TLN2: variants seen among roughly 807,000 people sequenced by gnomAD.
TLN2 encodes the protein talin-2.
In TLN2, 118 loss-of-function variants were observed where a neutral mutation model predicts 294.7. The ratio of observed to expected loss-of-function variants is 0.40; its 90% CI spans 0.34 to 0.47. The LOEUF is 0.47. Ranked by LOEUF, TLN2 falls within the 20% of genes least tolerant of loss-of-function variation. The probability of loss-of-function intolerance (pLI) is 0.84; values close to 1 mark genes in which losing one functional copy is unlikely to be tolerated. For synonymous variants in TLN2, 1,431 were observed against 1,304.5 expected, an observed-to-expected ratio of 1.10 and a Z score of -2.09; for missense variants, 3,083 against 3,282.2, an observed-to-expected ratio of 0.94 and a Z score of 1.48.
chr15:62,646,934 C>T (rs2051936908), intron 3 of TLN2, among the ~76,000 whole-genome samples: 1 of 152,100 alleles, frequency 6.6e-6, no homozygotes, highest in Non-Finnish European at 1.5e-5. Flanking sequence ...AGGACATTAA[C>T]CCTAGAAATT....
intron 3 of TLN2, among the ~76,000 whole-genome samples, chr15:62,634,895 A>G (rs2050237652): frequency 6.6e-6 from 1 of 152,158 alleles, no homozygotes; most frequent in Admixed American, 6.5e-5. Flanking sequence ...ACTGTTTGCA[A>G]TATATTTTAA....
At chr15:62,622,013 A>G (rs910508189) in intron 3 of TLN2, among the ~76,000 whole-genome samples, 12 of 150,514 alleles carry the variant, frequency 8.0e-5, no homozygotes, top group African/African-American at 2.9e-4. Flanking sequence ...AGAAAAAAAC[A>G]TGCTTTCCCA....
intron 1 of TLN2, among the ~76,000 whole-genome samples, chr15:62,520,102 G>T (rs1271789856): frequency 6.6e-6 from 1 of 152,184 alleles, no homozygotes; most frequent in African/African-American, 2.4e-5. Flanking sequence ...CAGTATTGGG[G>T]AAACCACCAC....
intron 1 of TLN2, among the ~76,000 whole-genome samples, chr15:62,391,704 C>A (rs954926096): frequency 3.3e-5 from 5 of 152,244 alleles, no homozygotes; most frequent in African/African-American, 1.2e-4. Flanking sequence ...CCCGCAAGGG[C>A]GCGCGGACTA....
Position 62,428,853 on chromosome 15 carries a change from A to T in TLN2, c.-238+38168A>T, listed in dbSNP as rs115176294. Reference sequence around the variant, plus strand: ...GTAATGTTATAATGTGTGCTTATTAATAATATGAATTTAGTATGCATTAAT... The same window carrying T: ...GTAATGTTATAATGTGTGCTTATTATTAATATGAATTTAGTATGCATTAAT... On this transcript the variant is annotated intron_variant, in intron 1 of 58. Coordinates refer to ENST00000636159, the MANE Select transcript of TLN2 (RefSeq NM_015059.3). 3.8e-3 allele frequency among the ~76,000 whole-genome samples: 584 copies of T among 152,306 alleles called. 6 individuals are homozygous for T. The highest frequency in any genetic ancestry group is 0.013 in the African/African-American group (527 of 41,566).
intron 40 of TLN2, 30 bp from the exon 41 acceptor site, chr15:62,766,291 G>A: frequency 6.3e-7 from 1 of 1,593,822 alleles, no homozygotes; most frequent in Non-Finnish European, 8.6e-7. Context: ...AGCTGTTATG[G>A]GATGAACTTG....
At chr15:62,824,625 T>G (rs1190660942) in intron 54 of TLN2, among the ~76,000 whole-genome samples, 1 of 152,276 alleles carries the variant, frequency 6.6e-6, no homozygotes, top group African/African-American at 2.4e-5. Context: ...ACTGAACTCT[T>G]GAATTTCCTG....
intron 1 of TLN2, among the ~76,000 whole-genome samples, chr15:62,496,473 T>C (rs2039024410): frequency 6.6e-6 from 1 of 152,154 alleles, no homozygotes; most frequent in African/African-American, 2.4e-5. Context: ...CAAGACTGTC[T>C]ACCTTCCTCA....
At chr15:62,790,634 C>T (rs543037422) in intron 45 of TLN2, among the ~76,000 whole-genome samples, 1 of 152,354 alleles carries the variant, frequency 6.6e-6, no homozygotes, top group Non-Finnish European at 1.5e-5. Flanking sequence ...TCATCACTGA[C>T]CTCAGAGCCC....
chr15:62,511,192 C>T (rs2039915093), intron 1 of TLN2, among the ~76,000 whole-genome samples: 2 of 152,210 alleles, frequency 1.3e-5, no homozygotes, highest in South Asian at 2.1e-4. Flanking sequence ...ATTAGCAGCA[C>T]TTGTTATTAA....
At chr15:62,659,737 C>T (rs900854572) in intron 9 of TLN2, among the ~76,000 whole-genome samples, 5 of 152,122 alleles carry the variant, frequency 3.3e-5, no homozygotes, top group Non-Finnish European at 5.9e-5. Context: ...GGTGGTTTTG[C>T]CTGGTGGCAA....
Position 62,777,007 on chromosome 15 carries a change from C to A in TLN2, c.5514+97C>A, listed in dbSNP as rs367749985. On this transcript the variant is annotated intron_variant, in intron 43 of 58. Transcript: ENST00000636159. Reference sequence around the variant, plus strand: ...GCTGTCAAGGCTCATAGCAACAAGCCTCTTCTTTTCTTGAAGGTTCTAGTT... The same window carrying A: ...GCTGTCAAGGCTCATAGCAACAAGCATCTTCTTTTCTTGAAGGTTCTAGTT... The A allele has an allele frequency of 2.7e-4, 320 of 1,166,574 alleles. 2 individuals carry two copies. In the South Asian group the frequency reaches 0.011, roughly 39 times the overall value. The allele number at this position is 1,166,574 out of a possible 1,614,324, so 72.3% of individuals were successfully genotyped here.
At chr15:62,798,426 G>T (rs2065680157) in intron 48 of TLN2, among the ~76,000 whole-genome samples, 1 of 152,092 alleles carries the variant, frequency 6.6e-6, no homozygotes, top group Admixed American at 6.5e-5. Context: ...ACAGCTCTTG[G>T]CACATAGTGG....
chr15:62,432,969 A>C (rs1389769461), intron 1 of TLN2, among the ~76,000 whole-genome samples: 1 of 152,124 alleles, frequency 6.6e-6, no homozygotes, highest in African/African-American at 2.4e-5. Context: ...GATGTGTTTG[A>C]CATAGTTTCT....
intron 50 of TLN2, among the ~76,000 whole-genome samples, chr15:62,805,033 A>G (rs114017143): frequency 6.6e-6 from 1 of 152,184 alleles, no homozygotes; most frequent in East Asian, 1.9e-4. Context: ...TAAATAATTC[A>G]CAGTGTCACC....
At chr15:62,695,934 C>T (rs1405041338) in intron 14 of TLN2, among the ~76,000 whole-genome samples, 1 of 152,192 alleles carries the variant, frequency 6.6e-6, no homozygotes, top group Non-Finnish European at 1.5e-5. Context: ...TGCCTGGGAT[C>T]ACTGTAGCCT....
intron 54 of TLN2, chr15:62,832,007 A>G (rs962504300): frequency 6.6e-6 from 1 of 151,912 alleles, no homozygotes. Context: ...TCTGGTTTAG[A>G]TGCTTCATGC....
At chr15:62,648,139 G>C (rs1350743850) in intron 4 of TLN2, among the ~76,000 whole-genome samples, 1 of 152,000 alleles carries the variant, frequency 6.6e-6, no homozygotes, top group African/African-American at 2.4e-5. Context: ...GGAAAGAATA[G>C]GCCAAGCATG....
At chr15:62,586,989 A>G (rs990899659) in intron 1 of TLN2, among the ~76,000 whole-genome samples, 3 of 152,234 alleles carry the variant, frequency 2.0e-5, no homozygotes, top group Non-Finnish European at 4.4e-5. Context: ...TAGATGGAAA[A>G]GAGAAAGATA....
Sources: allele counts gnomAD v4.1 joint callset (sites outside exome capture counted in the v4.1 genomes callset), GRCh38; gene constraint gnomAD v4.1.1; transcripts MANE v1.5; gene names NCBI Gene and HGNC (gene_info 2026-07-23, HGNC 2026-07-21).